DDX39B: variants seen among roughly 807,000 people sequenced by gnomAD.
The protein encoded by DDX39B is spliceosome RNA helicase DDX39B.
Under a neutral mutation model 46.4 loss-of-function variants are expected in DDX39B, and 6 were observed. The observed-to-expected ratio is 0.13, with a 90% confidence interval of 0.07 to 0.26. The LOEUF (loss-of-function observed/expected upper bound fraction) is 0.26, where lower values mean the gene tolerates loss of function less well. Among genes scored for constraint, DDX39B ranks in the 10% least tolerant of loss-of-function variants. DDX39B has a pLI of 1.00. For synonymous variants in DDX39B, 174 were observed against 199.4 expected (o/e 0.87, Z 1.07); for missense variants, 185 against 553.4 (o/e 0.33, Z 6.68).
Position 31,534,978 on chromosome 6 carries a change from G to C in DDX39B, c.735+389C>G, listed in dbSNP as rs897045690. On this transcript the variant is annotated intron_variant, in intron 6 of 10. Transcript: ENST00000396172. The surrounding 1 kb of genome is among the most constrained non-coding windows in gnomAD (Gnocchi z 5.1). ...AAGTAGGAGTTTTGGTGAGCAGAAGGCTCCAGCTGTACGCTCGATGCCACC... is the reference window on the plus strand; with the variant it reads ...AAGTAGGAGTTTTGGTGAGCAGAAGCCTCCAGCTGTACGCTCGATGCCACC... The C allele has an allele frequency of 2.5e-5, 7 of 282,234 alleles. No individual in the cohort carries two copies. The highest frequency in any genetic ancestry group is 4.4e-5 in the African/African-American group (2 of 45,850). The allele number at this position is 282,234 out of a possible 1,614,324, so 17.5% of individuals were successfully genotyped here.
intron 1 of DDX39B, chr6:31,541,584 G>A (rs1294703079): frequency 4.3e-6 from 2 of 467,946 alleles, no homozygotes; most frequent in Non-Finnish European, 8.8e-6. Context: ...CCGAGAAAGA[G>A]CTCAAGAAAG....
chr6:31,538,640 A>G, intron 4 of DDX39B, 123 bp downstream of exon 4: 2 of 863,844 alleles, frequency 2.3e-6, no homozygotes, highest in Non-Finnish European at 3.5e-6. Flanking sequence ...ATAGGAACTC[A>G]ACACTCTGTT....
chr6:31,540,004 C>T (rs1289844339), intron 2 of DDX39B, among the ~76,000 whole-genome samples: 2 of 152,196 alleles, frequency 1.3e-5, no homozygotes, highest in African/African-American at 4.8e-5. Context: ...TTCTTCCTCA[C>T]TGTCGCCCCG....
Position 31,534,406 on chromosome 6 carries a change from G to C in DDX39B, c.735+961C>G. Reference sequence around the variant, plus strand: ...ACGGGAAGGAACACTGCAGGGAGGGGAAGAACACACTCCACTGCTTATGCA... The same window carrying C: ...ACGGGAAGGAACACTGCAGGGAGGGCAAGAACACACTCCACTGCTTATGCA... On this transcript the variant is annotated intron_variant, in intron 6 of 10. Transcript: ENST00000396172. This position sits in a 1 kb window ranked among gnomAD's most constrained non-coding sequence, Gnocchi z 5.1. The C allele has an allele frequency of 2.2e-6, 1 of 458,642 alleles. No homozygotes were observed. Among genetic ancestry groups the C allele is most frequent in the South Asian group, 1.6e-5 (1 of 63,478 alleles). 28.4% of individuals were successfully genotyped at this position (458,642 alleles called of 1,614,324 possible). A position where few individuals can be genotyped will look rare whatever the true frequency, so the allele number is the denominator to read the frequency against.
intron 5 of DDX39B, 113 bp downstream of exon 5, chr6:31,536,387 G>A (rs1488403624): frequency 6.8e-7 from 1 of 1,461,806 alleles, no homozygotes; most frequent in South Asian, 1.1e-5. Context: ...CATCAGTCAT[G>A]GGTGATAGAT....
intron 1 of DDX39B, 106 bp from the exon 2 acceptor site, chr6:31,540,770 G>A (rs766353986): frequency 7.8e-5 from 44 of 567,660 alleles, no homozygotes; most frequent in Non-Finnish European, 1.3e-4. Context: ...ACTTTTACCT[G>A]GAAAGAAAAA....
chr6:31,532,648 G>T, intron 7 of DDX39B, 132 bp downstream of exon 7: 1 of 1,224,708 alleles, frequency 8.2e-7, no homozygotes, highest in Non-Finnish European at 1.1e-6. Flanking sequence ...CAGCCCCTAA[G>T]ATATTTATAC....
At chr6:31,532,640 G>T in intron 7 of DDX39B, 140 bp downstream of exon 7, 1 of 1,108,390 alleles carries the variant, frequency 9.0e-7, no homozygotes, top group Non-Finnish European at 1.3e-6. Context: ...CTCATGCTCA[G>T]CCCCTAAGAT....
chr6:31,534,969 G>C lies in DDX39B; in HGVS notation c.735+398C>G. 3.7e-6 allele frequency: 1 copy of C among 272,706 alleles called. No homozygotes were observed. Among genetic ancestry groups the C allele is most frequent in the Non-Finnish European group, 7.2e-6 (1 of 138,354 alleles). The allele number at this position is 272,706 out of a possible 1,614,324, so 16.9% of individuals were successfully genotyped here. ...GCCACCGGGAAGTAGGAGTTTTGGT[G>C]AGCAGAAGGCTCCAGCTGTACGCTC... On this transcript the variant is annotated intron_variant, in intron 6 of 10. Coordinates refer to ENST00000396172, the MANE Select transcript of DDX39B (RefSeq NM_004640.7). The surrounding 1 kb of genome is among the most constrained non-coding windows in gnomAD (Gnocchi z 5.1).
intron 2 of DDX39B, 132 bp from the exon 3 acceptor site, chr6:31,539,406 C>G: frequency 7.5e-7 from 1 of 1,328,614 alleles, no homozygotes; most frequent in Non-Finnish European, 1.0e-6. Flanking sequence ...TTGCCAACTT[C>G]CAGACCCATT....
At chr6:31,539,576 T>C (rs1562423629) in intron 2 of DDX39B, among the ~76,000 whole-genome samples, 1 of 152,192 alleles carries the variant, frequency 6.6e-6, no homozygotes, top group Non-Finnish European at 1.5e-5. Flanking sequence ...TCCTTATTTT[T>C]CTTAATCTGT....
intron 2 of DDX39B, 134 bp downstream of exon 2, chr6:31,540,188 C>T (rs376397271): frequency 3.4e-5 from 33 of 960,534 alleles, no homozygotes; most frequent in South Asian, 2.0e-4. Context: ...GGATTACAGG[C>T]GTGAGCCACT....
Position 31,534,936 on chromosome 6 carries a change from G to A in DDX39B, c.735+431C>T. 3.7e-6 allele frequency: 1 copy of A among 271,646 alleles called. No homozygotes were observed. The highest frequency in any genetic ancestry group is 4.0e-5 in the South Asian group (1 of 24,776). The allele number at this position is 271,646 out of a possible 1,614,324, so 16.8% of individuals were successfully genotyped here. A position where few individuals can be genotyped will look rare whatever the true frequency, so the allele number is the denominator to read the frequency against. On this transcript the variant is annotated intron_variant, in intron 6 of 10. Coordinates refer to ENST00000396172, the MANE Select transcript of DDX39B (RefSeq NM_004640.7). This position sits in a 1 kb window ranked among gnomAD's most constrained non-coding sequence, Gnocchi z 5.1. ...CCTGCCATCTGTCTGTCCCTCTCTTGCTCTCCTGCCACCGGGAAGTAGGAG... is the reference window on the plus strand; with the variant it reads ...CCTGCCATCTGTCTGTCCCTCTCTTACTCTCCTGCCACCGGGAAGTAGGAG...
At chr6:31,539,077 C>T (rs2523511) in intron 3 of DDX39B, 70 bp downstream of exon 3, 1,335,613 of 1,612,668 alleles carry the variant, frequency 0.83, 554,719 homozygotes, top group South Asian at 0.93. Context: ...CATCATGTAG[C>T]TAGGACAAAA....
At chr6:31,538,714 C>A in intron 4 of DDX39B, 49 bp downstream of exon 4, 1 of 1,526,242 alleles carries the variant, frequency 6.6e-7, no homozygotes, top group South Asian at 1.2e-5. Context: ...GTTTCTTATC[C>A]CTCCAACTTG....
chr6:31,540,281 A>G (rs758495421), intron 2 of DDX39B, 41 bp downstream of exon 2: 2 of 1,591,796 alleles, frequency 1.3e-6, no homozygotes, highest in Non-Finnish European at 1.7e-6. Context: ...TTGTACCCTT[A>G]AAGAGCCCAA....
intron 2 of DDX39B, among the ~76,000 whole-genome samples, chr6:31,539,634 T>G (rs2150343799): frequency 6.6e-6 from 1 of 152,276 alleles, no homozygotes; most frequent in East Asian, 1.9e-4. Flanking sequence ...TTCTCCTGCT[T>G]AGGTTGCTAT....
Position 31,530,746 on chromosome 6 carries a change from G to C in DDX39B, c.1270+33C>G, listed in dbSNP as rs765456439. On this transcript the variant is annotated intron_variant, in intron 10 of 10. Transcript: ENST00000396172. This position sits in a 1 kb window ranked among gnomAD's most constrained non-coding sequence, Gnocchi z 4.5. ...GGACAAACACACTAAGGAACAGGGAGGACCTAAAGGGTTTCATGAGATCAG... is the reference window on the plus strand; with the variant it reads ...GGACAAACACACTAAGGAACAGGGACGACCTAAAGGGTTTCATGAGATCAG... 6 of 1,602,986 alleles carry C rather than the reference G, an allele frequency of 3.7e-6. No homozygotes were observed.
intron 4 of DDX39B, 125 bp from the exon 5 acceptor site, chr6:31,536,808 G>A (rs1388831739): frequency 4.7e-5 from 60 of 1,281,270 alleles, no homozygotes; most frequent in Non-Finnish European, 4.2e-6. Context: ...TAACTTTAGA[G>A]GGCACCTAAT....
Sources: gnomAD v4.1 joint callset for allele counts (sites outside exome capture counted in the v4.1 genomes callset) on GRCh38, gnomAD v4.1.1 for gene constraint, Gnocchi (gnomAD v3.1) non-coding constraint, MANE v1.5 for transcripts, NCBI Gene and HGNC (gene_info 2026-07-23, HGNC 2026-07-21) for gene names.